RBFOX1: variants seen among roughly 807,000 people sequenced by gnomAD.
RBFOX1 encodes RNA binding protein fox-1 homolog 1.
Under a neutral mutation model 57.7 loss-of-function variants are expected in RBFOX1, and 8 were observed. The ratio of observed to expected loss-of-function variants is 0.14; its 90% CI spans 0.08 to 0.25. The LOEUF is 0.25. Ranked by LOEUF, RBFOX1 falls within the 10% of genes least tolerant of loss-of-function variation. The probability of loss-of-function intolerance (pLI) is 1.00; values close to 1 mark genes in which losing one functional copy is unlikely to be tolerated. For missense variants in RBFOX1, 611 were observed against 548.5 expected (o/e 1.11, Z -1.14); for synonymous variants, 326 against 222.4 (o/e 1.47, Z -4.15).
intron 1 of RBFOX1, among the ~76,000 whole-genome samples, chr16:6,020,419 G>T (rs1427896923): frequency 6.6e-6 from 1 of 152,168 alleles, no homozygotes; most frequent in East Asian, 1.9e-4. Context: ...GCAGGAGGAG[G>T]CATCTTAGTG....
At chr16:5,258,904 G>A (rs1242644660) in intron 1 of RBFOX1, among the ~76,000 whole-genome samples, 1 of 150,608 alleles carries the variant, frequency 6.6e-6, no homozygotes, top group Non-Finnish European at 1.5e-5. Flanking sequence ...TGGCAAGAAC[G>A]AATCTCTGAA....
intron 1 of RBFOX1, among the ~76,000 whole-genome samples, chr16:5,421,789 C>T (rs533274930): frequency 2.0e-5 from 3 of 152,194 alleles, no homozygotes; most frequent in Non-Finnish European, 2.9e-5. Flanking sequence ...TCCAGATGAG[C>T]CTAAGAAACC....
intron 3 of RBFOX1, among the ~76,000 whole-genome samples, chr16:6,747,221 C>G (rs1032243125): frequency 3.5e-4 from 54 of 152,158 alleles, no homozygotes; most frequent in African/African-American, 1.2e-3. Context: ...CAGCCTGACT[C>G]ACATGGTGAA....
intron 4 of RBFOX1, among the ~76,000 whole-genome samples, chr16:5,920,194 A>G (rs2058792086): frequency 6.6e-6 from 1 of 152,180 alleles, no homozygotes. Flanking sequence ...TTGGCCTCCC[A>G]AAGTGCTGGG....
intron 2 of RBFOX1, among the ~76,000 whole-genome samples, chr16:6,632,220 G>A (rs893323816): frequency 1.3e-5 from 2 of 151,878 alleles, no homozygotes; most frequent in Non-Finnish European, 1.5e-5. Flanking sequence ...AAAGCTGGAA[G>A]AACTTTAGAG....
At chr16:6,891,408 C>G (rs749153593) in intron 3 of RBFOX1, among the ~76,000 whole-genome samples, 1 of 152,036 alleles carries the variant, frequency 6.6e-6, no homozygotes, top group South Asian at 2.1e-4. Context: ...CCCAGAAACC[C>G]GTTTGCCTTT....
chr16:5,366,045 A>C (rs2065705104), intron 1 of RBFOX1: 1 of 483,248 alleles, frequency 2.1e-6, no homozygotes, highest in South Asian at 1.6e-5. Flanking sequence ...ATGTCTGTAC[A>C]GCAATGGTTT....
intron 1 of RBFOX1, among the ~76,000 whole-genome samples, chr16:6,199,943 A>G (rs984086835): frequency 6.6e-6 from 1 of 152,194 alleles, no homozygotes; most frequent in African/African-American, 2.4e-5. Context: ...GCCAGAAACT[A>G]CAGCTGGATG....
chr16:7,607,442 C>A, intron 10 of RBFOX1, 104 bp downstream of exon 10: 2 of 1,031,640 alleles, frequency 1.9e-6, no homozygotes, highest in Non-Finnish European at 3.0e-6. Context: ...CAAGTGAATT[C>A]CTATCCTAAC....
intron 2 of RBFOX1, among the ~76,000 whole-genome samples, chr16:6,364,847 A>T (rs915538646): frequency 1.3e-5 from 2 of 152,174 alleles, no homozygotes; most frequent in African/African-American, 4.8e-5. Context: ...CTGAAGGCAA[A>T]GGGAATGTCA....
chr16:6,990,593 G>C (rs2091263982), intron 3 of RBFOX1, among the ~76,000 whole-genome samples: 2 of 152,034 alleles, frequency 1.3e-5, no homozygotes, highest in South Asian at 2.1e-4. Flanking sequence ...ATATATCCAA[G>C]TTTACCAAGT....
chr16:5,403,612 T>C (rs981957056), intron 1 of RBFOX1, among the ~76,000 whole-genome samples: 1 of 151,930 alleles, frequency 6.6e-6, no homozygotes, highest in Non-Finnish European at 1.5e-5. Flanking sequence ...GCCCAGCTAA[T>C]TTTTTGTATT....
At chr16:5,462,416 C>T (rs898848787) in intron 1 of RBFOX1, among the ~76,000 whole-genome samples, 6 of 152,098 alleles carry the variant, frequency 3.9e-5, no homozygotes, top group Non-Finnish European at 2.9e-5. Context: ...GATCCACCCG[C>T]CTCGGCCTCC....
At chr16:7,541,684 C>G (rs2082985963) in intron 5 of RBFOX1, among the ~76,000 whole-genome samples, 1 of 152,220 alleles carries the variant, frequency 6.6e-6, no homozygotes, top group Non-Finnish European at 1.5e-5. Context: ...AAAGAATTGG[C>G]CCATTGGAAT....
At chr16:7,124,502 TCC>T (rs1567351027) in intron 4 of RBFOX1, among the ~76,000 whole-genome samples, 1 of 79,444 alleles carries the variant, frequency 1.3e-5, no homozygotes, top group Non-Finnish European at 2.6e-5. Context: ...CCTTCCTCGC[TCC>T]CCCTCCCCTC....
intron 1 of RBFOX1, among the ~76,000 whole-genome samples, chr16:6,292,770 G>A (rs1161885865): frequency 6.6e-6 from 1 of 152,180 alleles, no homozygotes; most frequent in Non-Finnish European, 1.5e-5. Flanking sequence ...AGTCCTCTGG[G>A]TTTGGGTGTA....
chr16:6,155,505 A>G (rs927319781), intron 1 of RBFOX1, among the ~76,000 whole-genome samples: 1 of 152,214 alleles, frequency 6.6e-6, no homozygotes, highest in Non-Finnish European at 1.5e-5. Context: ...GGACTTGGTA[A>G]TGGGACAAGG....
intron 3 of RBFOX1, among the ~76,000 whole-genome samples, chr16:5,812,526 G>T (rs1452783915): frequency 1.4e-5 from 2 of 147,720 alleles, no homozygotes; most frequent in East Asian, 2.0e-4. Context: ...TGGTGCAGTC[G>T]TAGCTCACTG....
At chr16:7,388,201 T>A (rs2097916835) in intron 4 of RBFOX1, among the ~76,000 whole-genome samples, 1 of 152,188 alleles carries the variant, frequency 6.6e-6, no homozygotes, top group Non-Finnish European at 1.5e-5. Context: ...CCTTTCCTTC[T>A]TGGCAGAGTT....
Sources: gnomAD v4.1 joint callset for allele counts (sites outside exome capture counted in the v4.1 genomes callset) on GRCh38, gnomAD v4.1.1 for gene constraint, MANE v1.5 for transcripts, NCBI Gene and HGNC (gene_info 2026-07-23, HGNC 2026-07-21) for gene names.